The following KCNQ1 variants were observed in gnomAD, a reference collection of about 807,000 sequenced individuals.
KCNQ1 encodes the protein potassium voltage-gated channel subfamily KQT member 1.
A neutral mutation model predicts 72.4 loss-of-function variants in KCNQ1; 49 were observed. The ratio of observed to expected loss-of-function variants is 0.68; its 90% CI spans 0.54 to 0.86. The LOEUF (loss-of-function observed/expected upper bound fraction) is 0.86. Ranked by LOEUF, KCNQ1 falls within the 40% of genes least tolerant of loss-of-function variation. The pLI is 0.00. For missense variants in KCNQ1, 790 were observed against 945.1 expected (o/e 0.84, Z 2.15); for synonymous variants, 450 against 412.6 (o/e 1.09, Z -1.10).
At chr11:2,834,405 G>A (rs1452356418) in intron 15 of KCNQ1, among the ~76,000 whole-genome samples, 1 of 152,146 alleles carries the variant, frequency 6.6e-6, no homozygotes, top group African/African-American at 2.4e-5. Flanking sequence ...GAGCCAGAAA[G>A]AGCCCTGCAG....
At chr11:2,506,707 TC>T (rs1847110881) in intron 1 of KCNQ1, among the ~76,000 whole-genome samples, 1 of 152,204 alleles carries the variant, frequency 6.6e-6, no homozygotes, top group African/African-American at 2.4e-5. Flanking sequence ...ACATTTGCAC[TC>T]CCCCAGCAAT....
rs1049174267 is a variant in KCNQ1, at chr11:2,593,590, G to A, written c.1393+4736G>A. 6.6e-6 allele frequency among the ~76,000 whole-genome samples: 1 copy of A among 152,200 alleles called. No homozygotes were observed. The highest frequency in any genetic ancestry group is 2.4e-5 in the African/African-American group (1 of 41,454). On this transcript the variant is annotated intron_variant, in intron 10 of 15. Transcript: ENST00000155840. This position sits in a 1 kb window ranked among gnomAD's most constrained non-coding sequence, Gnocchi z 6.9. ...TCCCGTTTGTGAAGTGGGGCAGCGT[G>A]CTGGAGGAGCATGCATCACATACCC... is the stretch of plus-strand genomic sequence containing the variant.
chr11:2,523,098 G>GTCAC (rs1847418229), intron 1 of KCNQ1, among the ~76,000 whole-genome samples: 1 of 152,228 alleles, frequency 6.6e-6, no homozygotes, highest in African/African-American at 2.4e-5. Flanking sequence ...TTTGCAGCCA[G>GTCAC]TCACCAAGTT....
At position 2,588,438 on chromosome 11, in the gene KCNQ1, G is replaced by A. The variant is rs1020360827; in HGVS notation, c.1252-275G>A. ...CACAGCCCCTGTTACCACCTCCACTGGCACCATCTTGTACGTTTATCTGCT... is the reference window on the plus strand; with the variant it reads ...CACAGCCCCTGTTACCACCTCCACTAGCACCATCTTGTACGTTTATCTGCT... On this transcript the variant is annotated intron_variant, in intron 9 of 15. Transcript: ENST00000155840. This position sits in a 1 kb window ranked among gnomAD's most constrained non-coding sequence, Gnocchi z 5.6. Among the ~76,000 whole-genome samples, 4 of 152,152 alleles carry A rather than the reference G, an allele frequency of 2.6e-5. No homozygotes were observed. The highest frequency in any genetic ancestry group is 9.7e-5 in the African/African-American group (4 of 41,440).
At chr11:2,632,275 T>C (rs1038309116) in intron 10 of KCNQ1, 1 of 398,384 alleles carries the variant, frequency 2.5e-6, no homozygotes, top group Non-Finnish European at 4.4e-6. Context: ...TCAGTTTTTG[T>C]GGTGAGTTTT....
At position 2,585,254 on chromosome 11, in the gene KCNQ1, C is replaced by T. The variant is rs397508075; in HGVS notation, c.1075C>T (p.Gln359Ter). 10 of 1,614,088 alleles carry T rather than the reference C, an allele frequency of 6.2e-6. No homozygotes were observed. Among genetic ancestry groups the T allele is most frequent in the Non-Finnish European group, 8.5e-6 (10 of 1,180,012 alleles). ...GTTTGCCCTGAAGGTGCAGCAGAAG[C>T]AGAGGCAGAAGCACTTCAACCGGCA... ...SGFALKVQQK[Q>*]RQKHFNRQIP... Residue 359 changes from glutamine to a stop codon, truncating the protein, a stop_gained, in exon 8 of 16, where the codon CAG (glutamine) becomes TAG (stop). Coordinates refer to ENST00000155840, the MANE Select transcript of KCNQ1 (RefSeq NM_000218.3). LOFTEE classifies it high-confidence loss of function.
chr11:2,559,625 C>CG lies in KCNQ1; in HGVS notation c.478-11002dup, dbSNP rs1330790545. Among the ~76,000 whole-genome samples the CG allele has an allele frequency of 1.3e-5, 2 of 152,202 alleles. No individual in the cohort carries two copies. The highest frequency in any genetic ancestry group is 2.9e-5 in the Non-Finnish European group (2 of 68,028). ...GACCCAGCAAGTCCCTTGCCTCTCTCGCTCACCAGGAAGAAGACACGTCCG... is the reference window on the plus strand; with the variant it reads ...GACCCAGCAAGTCCCTTGCCTCTCTCGGCTCACCAGGAAGAAGACACGTCCG... On this transcript the variant is annotated intron_variant, in intron 2 of 15. Transcript: ENST00000155840. The surrounding 1 kb of genome is among the most constrained non-coding windows in gnomAD (Gnocchi z 4.9).
intron 10 of KCNQ1, chr11:2,625,273 C>T (rs1484416799): frequency 1.0e-5 from 4 of 398,508 alleles, no homozygotes; most frequent in Non-Finnish European, 1.8e-5. Flanking sequence ...TTTTTTGAGA[C>T]AAGATCTGGC....
At chr11:2,717,378 G>A (rs968982242) in intron 11 of KCNQ1, among the ~76,000 whole-genome samples, 9 of 152,302 alleles carry the variant, frequency 5.9e-5, no homozygotes, top group Admixed American at 2.6e-4. Context: ...CGCACAGTAT[G>A]CCAATGTTCC....
At chr11:2,520,468 C>G (rs867808886) in intron 1 of KCNQ1, among the ~76,000 whole-genome samples, 5 of 152,320 alleles carry the variant, frequency 3.3e-5, no homozygotes, top group African/African-American at 9.6e-5. Context: ...TGGCGACCTC[C>G]AAACCCTGCT....
chr11:2,499,524 CTG>C (rs78587144), intron 1 of KCNQ1, among the ~76,000 whole-genome samples: 58,225 of 131,530 alleles, frequency 0.44, 14,487 homozygotes, highest in Non-Finnish European at 0.56. Context: ...GAATGGACCC[CTG>C]CCCCCACAAA....
intron 15 of KCNQ1, among the ~76,000 whole-genome samples, chr11:2,834,796 T>A (rs1185474001): frequency 6.6e-6 from 1 of 152,114 alleles, no homozygotes; most frequent in African/African-American, 2.4e-5. Flanking sequence ...GTGGGAAGGA[T>A]CCCTTGGCTG....
Position 2,674,345 on chromosome 11 carries a change from C to T in KCNQ1, c.1514+12264C>T, listed in dbSNP as rs2133872161. The T allele has an allele frequency of 5.0e-6, 2 of 396,984 alleles. No individual in the cohort carries two copies. Among genetic ancestry groups the T allele is most frequent in the East Asian group, 3.6e-5 (1 of 27,910 alleles). The allele number at this position is 396,984 out of a possible 1,614,324, so 24.6% of individuals were successfully genotyped here. A position where few individuals can be genotyped will look rare whatever the true frequency, so the allele number is the denominator to read the frequency against. ...GGACACCCTCTGGAAATCTGAATTC[C>T]ATTCGCTCTTGGCAAAGAGCAGCTT... On this transcript the variant is annotated intron_variant, in intron 11 of 15. Transcript: ENST00000155840. This position sits in a 1 kb window ranked among gnomAD's most constrained non-coding sequence, Gnocchi z 5.9.
At chr11:2,796,691 G>C (rs908820022) in intron 15 of KCNQ1, among the ~76,000 whole-genome samples, 1 of 152,334 alleles carries the variant, frequency 6.6e-6, no homozygotes, top group African/African-American at 2.4e-5. Context: ...TGAGGTGCAG[G>C]CGGTGGACAG....
intron 15 of KCNQ1, among the ~76,000 whole-genome samples, chr11:2,834,824 C>G (rs1215352510): frequency 6.6e-6 from 1 of 152,206 alleles, no homozygotes; most frequent in Non-Finnish European, 1.5e-5. Context: ...AATGCAGGTT[C>G]CGGGGCAAGA....
rs990060314 is a variant in KCNQ1 at position 2,507,540 on chromosome 11, C to T, written c.387-20388C>T. Among the ~76,000 whole-genome samples the T allele has an allele frequency of 6.6e-6, 1 of 152,168 alleles. No individual in the cohort carries two copies. Among genetic ancestry groups the T allele is most frequent in the African/African-American group, 2.4e-5 (1 of 41,440 alleles). On this transcript the variant is annotated intron_variant, in intron 1 of 15. Transcript: ENST00000155840. The surrounding 1 kb of genome is among the most constrained non-coding windows in gnomAD (Gnocchi z 5.4). Reference sequence around the variant, plus strand: ...AAAAGGATGCTGCTGGGACCCCTCGCACCTGGGAGGATGCACTTTCTGTTT... The same window carrying T: ...AAAAGGATGCTGCTGGGACCCCTCGTACCTGGGAGGATGCACTTTCTGTTT...
Position 2,486,283 on chromosome 11 carries a change from A to G in KCNQ1, c.386+40799A>G, listed in dbSNP as rs1227082937. On this transcript the variant is annotated intron_variant, in intron 1 of 15. Coordinates refer to ENST00000155840, the MANE Select transcript of KCNQ1 (RefSeq NM_000218.3). The surrounding 1 kb of genome is among the most constrained non-coding windows in gnomAD (Gnocchi z 5.0). ...GTATCTTTTCATGCTCTTATTAGCC[A>G]TTTGTATATCTTCTTTGGAGAATAT... 6.6e-6 allele frequency among the ~76,000 whole-genome samples: 1 copy of G among 152,150 alleles called. No individual in the cohort carries two copies. Among genetic ancestry groups the G allele is most frequent in the Admixed American group, 6.5e-5 (1 of 15,278 alleles).
rs1054739213 is a variant in KCNQ1 at position 2,565,188 on chromosome 11, C to T, written c.478-5440C>T. On this transcript the variant is annotated intron_variant, in intron 2 of 15. Coordinates refer to ENST00000155840, the MANE Select transcript of KCNQ1 (RefSeq NM_000218.3). The surrounding 1 kb of genome is among the most constrained non-coding windows in gnomAD (Gnocchi z 5.6). ...AGCAGTTTTAGGTTCACAGCAAAATCGAGCGGCTGGTCATTTCACGCTTTA... is the reference window on the plus strand; with the variant it reads ...AGCAGTTTTAGGTTCACAGCAAAATTGAGCGGCTGGTCATTTCACGCTTTA... 2.0e-5 allele frequency among the ~76,000 whole-genome samples: 3 copies of T among 152,142 alleles called. No individual in the cohort carries two copies. The highest frequency in any genetic ancestry group is 6.5e-5 in the Admixed American group (1 of 15,274).
At position 2,715,342 on chromosome 11, in the gene KCNQ1, G is replaced by A. The variant is rs1443176108; in HGVS notation, c.1514+53261G>A. On this transcript the variant is annotated intron_variant, in intron 11 of 15. Coordinates refer to ENST00000155840, the MANE Select transcript of KCNQ1 (RefSeq NM_000218.3). The surrounding 1 kb of genome is among the most constrained non-coding windows in gnomAD (Gnocchi z 4.9). ...CTGTGTCATGGAGGGCCCTTACCCCGGAGGAGCCAGGAAGGTGGACAGAGC... is the reference window on the plus strand; with the variant it reads ...CTGTGTCATGGAGGGCCCTTACCCCAGAGGAGCCAGGAAGGTGGACAGAGC... Among the ~76,000 whole-genome samples, 1 of 152,104 alleles carries A rather than the reference G, an allele frequency of 6.6e-6. No individual in the cohort carries two copies. Among genetic ancestry groups the A allele is most frequent in the African/African-American group, 2.4e-5 (1 of 41,424 alleles).
Sources: gnomAD v4.1 joint callset for allele counts (sites outside exome capture counted in the v4.1 genomes callset) on GRCh38, gnomAD v4.1.1 for gene constraint, Gnocchi (gnomAD v3.1) non-coding constraint, MANE v1.5 for transcripts, NCBI Gene and HGNC (gene_info 2026-07-23, HGNC 2026-07-21) for gene names.